The following CFAP61 variants were observed in gnomAD, a reference collection of about 807,000 sequenced individuals.
The protein encoded by CFAP61 is cilia- and flagella-associated protein 61.
A neutral mutation model predicts 135.6 loss-of-function variants in CFAP61; 107 were observed. The ratio of observed to expected loss-of-function variants is 0.79; its 90% CI spans 0.67 to 0.93. The LOEUF is 0.93. Among genes scored for constraint, CFAP61 ranks in the 40% least tolerant of loss-of-function variants. CFAP61 has a pLI of 0.00. For synonymous variants in CFAP61, 575 were observed against 578.5 expected (o/e 0.99, Z 0.09); for missense variants, 1,507 against 1,556.2 (o/e 0.97, Z 0.53).
chr20:20,088,577 C>G (rs899785471), intron 6 of CFAP61, among the ~76,000 whole-genome samples: 5 of 152,132 alleles, frequency 3.3e-5, no homozygotes, highest in African/African-American at 1.2e-4. Context: ...TTACCTCCCA[C>G]CAGCTTCCTC....
chr20:20,107,894 TG>T (rs1423058511), intron 8 of CFAP61: 2 of 152,218 alleles, frequency 1.3e-5, no homozygotes, highest in African/African-American at 4.8e-5. Context: ...CCCAAAGTGC[TG>T]GAATTGCAGG....
intron 21 of CFAP61, among the ~76,000 whole-genome samples, chr20:20,274,785 C>T (rs1317988512): frequency 6.6e-6 from 1 of 152,072 alleles, no homozygotes; most frequent in Non-Finnish European, 1.5e-5. Flanking sequence ...TGTGATTTGA[C>T]CTGTAACATG....
rs114618824 is a variant in CFAP61, at chr20:20,233,395, G to A, written c.2060+5019G>A. 7.3e-3 allele frequency among the ~76,000 whole-genome samples: 1,111 copies of A among 152,292 alleles called. 15 individuals carry two copies. Among genetic ancestry groups the A allele is most frequent in the African/African-American group, 0.026 (1,061 of 41,534 alleles). ...GCGCCTCGCAATTGCCCTGTTCATT[G>A]CGCTGTGCAAAAACGGCATGGGAGC... On this transcript the variant is annotated intron_variant, in intron 18 of 26. Coordinates refer to ENST00000245957, the MANE Select transcript of CFAP61 (RefSeq NM_015585.4).
chr20:20,251,107 GTGAT>G (rs1295098776), intron 19 of CFAP61, among the ~76,000 whole-genome samples: 1 of 152,190 alleles, frequency 6.6e-6, no homozygotes, highest in Non-Finnish European at 1.5e-5. Flanking sequence ...CTCAGAATGA[GTGAT>G]TACTGAAAAG....
At chr20:20,146,416 C>T (rs1355993055) in intron 9 of CFAP61, among the ~76,000 whole-genome samples, 2 of 152,080 alleles carry the variant, frequency 1.3e-5, no homozygotes, top group African/African-American at 4.8e-5. Context: ...TTGGTATTAC[C>T]AGTGGATAAA....
intron 8 of CFAP61, among the ~76,000 whole-genome samples, chr20:20,142,388 T>G (rs905358194): frequency 3.3e-5 from 5 of 152,302 alleles, no homozygotes; most frequent in African/African-American, 1.2e-4. Context: ...GGCATTCAGG[T>G]AACACTGATG....
intron 18 of CFAP61, among the ~76,000 whole-genome samples, chr20:20,240,270 C>T (rs1013152644): frequency 2.0e-5 from 3 of 152,110 alleles, no homozygotes; most frequent in Non-Finnish European, 4.4e-5. Flanking sequence ...GGGAAATAGG[C>T]ATGCAGCTTG....
intron 25 of CFAP61, among the ~76,000 whole-genome samples, chr20:20,315,156 G>A (rs1027762000): frequency 4.0e-5 from 6 of 151,660 alleles, no homozygotes; most frequent in African/African-American, 1.5e-4. Context: ...CCCACCAACA[G>A]TGTAAAAGTG....
intron 25 of CFAP61, among the ~76,000 whole-genome samples, chr20:20,322,026 G>A (rs2057540924): frequency 6.6e-6 from 1 of 152,132 alleles, no homozygotes; most frequent in South Asian, 2.1e-4. Context: ...CCACCATGCT[G>A]TGAGGAAGCC....
At chr20:20,360,134 A>C in intron 26 of CFAP61, 76 bp from the exon 27 acceptor site, 1 of 1,116,356 alleles carries the variant, frequency 9.0e-7, no homozygotes, top group Non-Finnish European at 1.3e-6. Flanking sequence ...TGTTGTTTTC[A>C]TTCTCATGAA....
intron 17 of CFAP61, among the ~76,000 whole-genome samples, chr20:20,206,913 C>T (rs1002681974): frequency 1.3e-5 from 2 of 152,102 alleles, no homozygotes; most frequent in East Asian, 1.9e-4. Context: ...AGATCAGATT[C>T]GGCATTCTGG....
intron 9 of CFAP61, among the ~76,000 whole-genome samples, chr20:20,146,585 T>G (rs1034815813): frequency 1.3e-5 from 2 of 152,244 alleles, no homozygotes; most frequent in African/African-American, 4.8e-5. Flanking sequence ...GAGAACTAGC[T>G]GTAAAAATTA....
intron 7 of CFAP61, among the ~76,000 whole-genome samples, chr20:20,096,677 G>A (rs775653201): frequency 1.3e-5 from 2 of 152,354 alleles, no homozygotes; most frequent in African/African-American, 2.4e-5. Flanking sequence ...CAGGCTGGCC[G>A]TCTCTTTCTG....
intron 26 of CFAP61, among the ~76,000 whole-genome samples, chr20:20,347,541 A>G (rs188021585): frequency 1.9e-4 from 29 of 152,360 alleles, no homozygotes; most frequent in Non-Finnish European, 3.2e-4. Context: ...GGACATTACT[A>G]TCGACCTTAT....
chr20:20,175,488 GTTT>G (rs1245650829), intron 13 of CFAP61, among the ~76,000 whole-genome samples: 1 of 119,534 alleles, frequency 8.4e-6, no homozygotes, highest in Non-Finnish European at 1.8e-5. Context: ...TTTTTTTTTT[GTTT>G]TTGTTTTGTT....
Position 20,165,577 on chromosome 20 carries a change from G to A in CFAP61, c.1206-820G>A, listed in dbSNP as rs183698806. ...TTCTCCTGTGGTCTGGACACTGGAC[G>A]CTGCCCTCAGTGCCTGGATTCCACA... is the stretch of plus-strand genomic sequence containing the variant. On this transcript the variant is annotated intron_variant, in intron 11 of 26. Transcript: ENST00000245957. Among the ~76,000 whole-genome samples, 395 of 151,734 alleles carry A rather than the reference G, an allele frequency of 2.6e-3. 2 individuals carry two copies. The highest frequency in any genetic ancestry group is 2.5e-3 in the Non-Finnish European group (173 of 67,974).
intron 22 of CFAP61, among the ~76,000 whole-genome samples, chr20:20,284,670 G>GAGTTAAT (rs949077136): frequency 5.3e-5 from 8 of 152,156 alleles, no homozygotes; most frequent in African/African-American, 1.9e-4. Context: ...ATGTTCAATA[G>GAGTTAAT]AGTTAATATT....
At chr20:20,335,641 G>A (rs1166243429) in intron 25 of CFAP61, among the ~76,000 whole-genome samples, 1 of 152,220 alleles carries the variant, frequency 6.6e-6, no homozygotes, top group Non-Finnish European at 1.5e-5. Context: ...CCCTATGAAT[G>A]TACTCTGCTC....
chr20:20,119,809 T>C (rs1202274915), intron 8 of CFAP61, among the ~76,000 whole-genome samples: 3 of 152,188 alleles, frequency 2.0e-5, no homozygotes, highest in Non-Finnish European at 4.4e-5. Flanking sequence ...CACCATCCAG[T>C]AGGCCCCACT....
Sources: gnomAD v4.1 joint callset for allele counts (sites outside exome capture counted in the v4.1 genomes callset) on GRCh38, gnomAD v4.1.1 for gene constraint, MANE v1.5 for transcripts, NCBI Gene and HGNC (gene_info 2026-07-23, HGNC 2026-07-21) for gene names.